The following ANKRD12 variants were observed in gnomAD, a reference collection of about 807,000 sequenced individuals.
ANKRD12 encodes the protein ankyrin repeat domain 12.
A neutral mutation model predicts 183.4 loss-of-function variants in ANKRD12; 85 were observed. That is an observed-to-expected ratio of 0.46 (90% CI 0.39 to 0.56). The LOEUF is 0.56. Among genes scored for constraint, ANKRD12 ranks in the 20% least tolerant of loss-of-function variants. ANKRD12 has a pLI of 0.00. For synonymous variants in ANKRD12, 914 were observed against 800.2 expected (o/e 1.14, Z -2.40); for missense variants, 2,405 against 2,357.1 (o/e 1.02, Z -0.42).
rs1316980890 is a variant in ANKRD12 at position 9,257,848 on chromosome 18, A to G, written c.4581A>G (p.Ala1527=). The change falls in exon 9 of 13, where the codon GCA becomes GCG. Residue 1527 remains alanine, a synonymous_variant. Transcript: ENST00000262126. The part of the protein sequence containing the change: ...QEPGILQQKN[A]VQIISSALDT... ...CAGGTATTTTACAACAAAAAAATGCAGTTCAGATTATTAGTTCTGCTTTAG... is the reference window on the plus strand; with the variant it reads ...CAGGTATTTTACAACAAAAAAATGCGGTTCAGATTATTAGTTCTGCTTTAG... The G allele has an allele frequency of 8.1e-6, 13 of 1,613,586 alleles. No homozygotes were observed. Among genetic ancestry groups the G allele is most frequent in the Admixed American group, 5.0e-5 (3 of 59,836 alleles).
intron 3 of ANKRD12, among the ~76,000 whole-genome samples, chr18:9,202,127 T>A (rs2035208571): frequency 6.6e-6 from 1 of 152,094 alleles, no homozygotes; most frequent in Non-Finnish European, 1.5e-5. Context: ...CGCCCAGCCT[T>A]TTTTGGCATT....
chr18:9,156,446 C>A (rs1053388643), intron 1 of ANKRD12, among the ~76,000 whole-genome samples: 2 of 151,874 alleles, frequency 1.3e-5, no homozygotes, highest in Admixed American at 6.6e-5. Flanking sequence ...GACTAGAAAG[C>A]CTGAAAAGAG....
At chr18:9,204,424 C>T (rs1598549275) in intron 3 of ANKRD12, 52 bp from the exon 4 acceptor site, 3 of 1,292,570 alleles carry the variant, frequency 2.3e-6, no homozygotes, top group African/African-American at 1.5e-5. Flanking sequence ...TTGAATTCTG[C>T]ATTTCCCTCC....
chr18:9,256,106 GA>G lies in ANKRD12; in HGVS notation c.2844del (p.Gly949AlafsTer10). 1 of 1,552,662 alleles carries G rather than the reference GA, an allele frequency of 6.4e-7. No homozygotes were observed. Among genetic ancestry groups the G allele is most frequent in the Admixed American group, 2.2e-5 (1 of 44,450 alleles). The stretch of plus-strand genomic sequence containing the variant: ...AGATAATAGTGAATACAGTAAATCA[GA>G]AAAAGGCAAAAATAAAGAAAAAGAC... ...QSDNSEYSKS[E>X]KGKNKEKDRE... On this transcript the variant is annotated frameshift_variant, in exon 9 of 13. Transcript: ENST00000262126. LOFTEE classifies it high-confidence loss of function.
intron 8 of ANKRD12, chr18:9,250,024 T>A (rs2038195194): frequency 6.6e-6 from 1 of 152,216 alleles, no homozygotes; most frequent in African/African-American, 2.4e-5. Flanking sequence ...GCTCAGTTTG[T>A]CTCTTAAATG....
At chr18:9,173,628 A>AGGGGGGGGG (rs775694472) in intron 1 of ANKRD12, among the ~76,000 whole-genome samples, 1 of 51,290 alleles carries the variant, frequency 1.9e-5, no homozygotes, top group Non-Finnish European at 4.0e-5. Flanking sequence ...GGGGGGGGGT[A>AGGGGGGGGG]GGGGGGGCAG....
rs924180628 is a variant in ANKRD12, at chr18:9,137,249, CGAGGAGCCGCGGCGCAGGTGG to C, written c.-52+288_-52+308del. ...CCCGCCGCCGCCCCTCCCGGCGTCG[CGAGGAGCCGCGGCGCAGGTGG>C]GAGCCGCCAACTGGGCGGGGGCGCT... On this transcript the variant is annotated intron_variant, in intron 1 of 12. Transcript: ENST00000262126. Among the ~76,000 whole-genome samples the C allele has an allele frequency of 2.7e-5, 4 of 147,716 alleles. No homozygotes were observed. In the East Asian group the frequency reaches 5.9e-4, roughly 22 times the overall value.
At chr18:9,250,960 C>T (rs1286860339) in intron 8 of ANKRD12, among the ~76,000 whole-genome samples, 19 of 152,080 alleles carry the variant, frequency 1.2e-4, no homozygotes, top group African/African-American at 4.3e-4. Context: ...CAGGAATATC[C>T]AGGTTAGTTG....
At chr18:9,193,184 C>CTGGA (rs1567899834) in intron 2 of ANKRD12, among the ~76,000 whole-genome samples, 3 of 149,376 alleles carry the variant, frequency 2.0e-5, no homozygotes, top group African/African-American at 7.4e-5. Context: ...GTTGTCCAGC[C>CTGGA]TGGAGCACAG....
chr18:9,279,405 C>T lies in ANKRD12; in HGVS notation c.5908-144C>T, dbSNP rs1053676190. 3 of 554,610 alleles carry T rather than the reference C, an allele frequency of 5.4e-6. No homozygotes were observed. In the African/African-American group the frequency reaches 6.0e-5, roughly 11 times the overall value. The allele number at this position is 554,610 out of a possible 1,614,324, so 34.4% of individuals were successfully genotyped here. A position where few individuals can be genotyped will look rare whatever the true frequency, so the allele number is the denominator to read the frequency against. The stretch of plus-strand genomic sequence containing the variant: ...AATGTGGAAATAAAAGTTTTACCAA[C>T]TTCAGCAGTATTCAATTTATATATT... On this transcript the variant is annotated intron_variant, in intron 11 of 12. Coordinates refer to ENST00000262126, the MANE Select transcript of ANKRD12 (RefSeq NM_015208.5).
chr18:9,214,135 T>C (rs1219022546), intron 6 of ANKRD12, among the ~76,000 whole-genome samples: 3 of 152,008 alleles, frequency 2.0e-5, no homozygotes. Context: ...ATAGATGAAC[T>C]GCATAGCCTA....
intron 8 of ANKRD12, among the ~76,000 whole-genome samples, chr18:9,225,092 A>G (rs1397713571): frequency 6.6e-6 from 1 of 151,932 alleles, no homozygotes; most frequent in Non-Finnish European, 1.5e-5. Flanking sequence ...GAGACAACAG[A>G]TGGAAATAAA....
chr18:9,255,133 C>G lies in ANKRD12; in HGVS notation c.1866C>G (p.Ala622=), dbSNP rs150857417. ...FHLEFGEKSN[A]KIKDEDHSPT... ...TAGAATTTGGTGAAAAATCAAATGC[C>G]AAAATAAAGGATGAAGATCATAGTC... The change falls in exon 9 of 13, where the codon GCC becomes GCG. Residue 622 remains alanine (A), a synonymous_variant. Transcript: ENST00000262126. The G allele has an allele frequency of 1.4e-5, 22 of 1,565,970 alleles. No homozygotes were observed. The African/African-American group carries it at 2.7e-4, about 19-fold the overall frequency.
At chr18:9,158,339 G>A (rs1404430660) in intron 1 of ANKRD12, among the ~76,000 whole-genome samples, 1 of 152,052 alleles carries the variant, frequency 6.6e-6, no homozygotes, top group Non-Finnish European at 1.5e-5. Context: ...TCCTTTTTCT[G>A]TTCCAAGGTC....
Position 9,173,626 on chromosome 18 carries a change from G to GT in ANKRD12, c.-51-8755dup, listed in dbSNP as rs1276786152. 5.8e-3 allele frequency among the ~76,000 whole-genome samples: 704 copies of GT among 120,816 alleles called. 18 individuals carry two copies. The highest frequency in any genetic ancestry group is 0.021 in the African/African-American group (665 of 32,080). The allele number at this position is 120,816 out of a possible 152,430, so 79.3% of individuals were successfully genotyped here. ...ATCCCGGTGGGGTGGTGGGGGGGGGGTAGGGGGGGCAGTACTGACCTGTTG... is the reference window on the plus strand; with the variant it reads ...ATCCCGGTGGGGTGGTGGGGGGGGGGTTAGGGGGGGCAGTACTGACCTGTTG... On this transcript the variant is annotated intron_variant, in intron 1 of 12. Transcript: ENST00000262126.
chr18:9,185,772 T>C (rs547773758), intron 2 of ANKRD12, among the ~76,000 whole-genome samples: 6 of 151,414 alleles, frequency 4.0e-5, no homozygotes, highest in African/African-American at 1.5e-4. Context: ...CCAAGGGAGG[T>C]TCCACAGAGA....
intron 4 of ANKRD12, among the ~76,000 whole-genome samples, chr18:9,206,859 A>G (rs1054446211): frequency 6.6e-6 from 1 of 152,110 alleles, no homozygotes; most frequent in African/African-American, 2.4e-5. Flanking sequence ...GTCAAAACAA[A>G]AAAGGCAGTT....
chr18:9,167,947 A>G (rs1200316997), intron 1 of ANKRD12, among the ~76,000 whole-genome samples: 2 of 152,176 alleles, frequency 1.3e-5, no homozygotes, highest in Admixed American at 6.5e-5. Flanking sequence ...AATTTTGTCA[A>G]AGGCCTTTTC....
In ANKRD12 at chr18:9,178,188, A is replaced by G. The variant is rs568452650; in HGVS notation, c.-51-4194A>G. Reference sequence around the variant, plus strand: ...CTGCTTTTCATTACCTATTTAAGAAATCTTTGTCTAATCCAAGGCCACTAA... The same window carrying G: ...CTGCTTTTCATTACCTATTTAAGAAGTCTTTGTCTAATCCAAGGCCACTAA... On this transcript the variant is annotated intron_variant, in intron 1 of 12. Coordinates refer to ENST00000262126, the MANE Select transcript of ANKRD12 (RefSeq NM_015208.5). Among the ~76,000 whole-genome samples the G allele has an allele frequency of 3.9e-5, 6 of 152,296 alleles. No individual in the cohort carries two copies. In the East Asian group the frequency reaches 1.2e-3, roughly 29 times the overall value.
Sources: gnomAD v4.1 joint callset for allele counts (sites outside exome capture counted in the v4.1 genomes callset) on GRCh38, gnomAD v4.1.1 for gene constraint, MANE v1.5 for transcripts, NCBI Gene and HGNC (gene_info 2026-07-23, HGNC 2026-07-21) for gene names.